Variants in ANKHD1 observed in about 807,000 individuals in gnomAD.
ANKHD1 encodes ankyrin repeat and KH domain-containing protein 1.
In ANKHD1, 31 loss-of-function variants were observed where a neutral mutation model predicts 230.5. The observed-to-expected ratio is 0.13, with a 90% CI of 0.10 to 0.18. ANKHD1 has a LOEUF of 0.18. Among genes scored for constraint, ANKHD1 ranks in the 10% least tolerant of loss-of-function variants. ANKHD1 has a pLI of 1.00. For synonymous variants in ANKHD1, 1,074 were observed against 1,117.6 expected (o/e 0.96, Z 0.78); for missense variants, 2,256 against 3,071.3 (o/e 0.73, Z 6.27).
At chr5:140,537,338 G>C (rs768136070) in intron 30 of ANKHD1, 51 bp from the exon 31 acceptor site, 6 of 1,568,392 alleles carry the variant, frequency 3.8e-6, no homozygotes, top group South Asian at 1.2e-5. Flanking sequence ...TTGCCACCAG[G>C]TGACTCTCCT....
Position 140,497,291 on chromosome 5 carries a change from A to C in ANKHD1, c.3004+13A>C, listed in dbSNP as rs1490778700. 6.3e-7 allele frequency: 1 copy of C among 1,583,400 alleles called. No homozygotes were observed. Among genetic ancestry groups the C allele is most frequent in the African/African-American group, 1.3e-5 (1 of 74,312 alleles). On this transcript the variant is annotated intron_variant, in intron 15 of 33. Transcript: ENST00000360839. Reference sequence around the variant, plus strand: ...GACCTGATAGCAGGTGGGTTAAGAAATATATCTGTAATAATTTCTCTTTAA... The same window carrying C: ...GACCTGATAGCAGGTGGGTTAAGAACTATATCTGTAATAATTTCTCTTTAA...
chr5:140,444,658 C>CA (rs148509743), intron 5 of ANKHD1, among the ~76,000 whole-genome samples: 159 of 152,194 alleles, frequency 1.0e-3, no homozygotes, highest in Middle Eastern at 6.8e-3. Flanking sequence ...AAAAAACAAA[C>CA]AAAAAATCCC....
intron 6 of ANKHD1, among the ~76,000 whole-genome samples, chr5:140,448,190 C>T (rs1055665819): frequency 3.9e-5 from 6 of 152,028 alleles, no homozygotes; most frequent in African/African-American, 1.4e-4. Context: ...ACAGAGACCT[C>T]GTCTCTTAAA....
Position 140,516,009 on chromosome 5 carries a change from G to A in ANKHD1, c.4317+2530G>A, listed in dbSNP as rs548670838. Among the ~76,000 whole-genome samples the A allele has an allele frequency of 2.4e-3, 359 of 152,120 alleles. 1 individual carries two copies. Among genetic ancestry groups the A allele is most frequent in the South Asian group, 0.02 (95 of 4,812 alleles). On this transcript the variant is annotated intron_variant, in intron 24 of 33. Coordinates refer to ENST00000360839, the MANE Select transcript of ANKHD1 (RefSeq NM_017747.3). ...GATCAAATTACTCTGAGCTACGGGA[G>A]GAAATTCAAACCAAAGGCAAAGAAG...
At chr5:140,420,321 T>A (rs1267932027) in intron 1 of ANKHD1, among the ~76,000 whole-genome samples, 1 of 152,056 alleles carries the variant, frequency 6.6e-6, no homozygotes, top group Non-Finnish European at 1.5e-5. Context: ...ACTTGAAGTT[T>A]AAAAATTTTG....
intron 1 of ANKHD1, among the ~76,000 whole-genome samples, chr5:140,410,348 A>G (rs780717320): frequency 9.9e-5 from 15 of 152,184 alleles, no homozygotes; most frequent in Non-Finnish European, 1.9e-4. Context: ...GATGGAGGTG[A>G]GTTTAAGCAC....
At position 140,458,841 on chromosome 5, in the gene ANKHD1, G is replaced by T; in HGVS notation, c.1459G>T (p.Val487Leu). The change falls in exon 8 of 34, where the codon GTG (valine) becomes TTG (leucine). Residue 487 changes from valine (V) to leucine (L), a missense_variant. This residue lies in a region of ANKHD1 where 179 missense variants were observed against 261.8 expected (regional missense o/e 0.68). Coordinates refer to ENST00000360839, the MANE Select transcript of ANKHD1 (RefSeq NM_017747.3). Reference sequence around the variant, plus strand: ...TGCCCGGGAAGGACATGAAGAAATGGTGGCACTACTCTTAGCACAAGGTAA... The same window carrying T: ...TGCCCGGGAAGGACATGAAGAAATGTTGGCACTACTCTTAGCACAAGGTAA... Reference protein sequence around the residue: ...EAAREGHEEMVALLLAQGANI... With the variant: ...EAAREGHEEMLALLLAQGANI... 2 of 1,611,996 alleles carry T rather than the reference G, an allele frequency of 1.2e-6. No homozygotes were observed. Among genetic ancestry groups the T allele is most frequent in the Non-Finnish European group, 1.7e-6 (2 of 1,179,254 alleles).
chr5:140,443,007 G>A (rs998708476), intron 5 of ANKHD1, among the ~76,000 whole-genome samples: 8 of 151,596 alleles, frequency 5.3e-5, no homozygotes, highest in Non-Finnish European at 2.9e-5. Flanking sequence ...CCAGGTTCAC[G>A]CCATTCTCCT....
In ANKHD1 at chr5:140,510,193, T is replaced by A. The variant is rs547759629; in HGVS notation, c.4104+12T>A. 36 of 1,589,022 alleles carry A rather than the reference T, an allele frequency of 2.3e-5. No homozygotes were observed. In the East Asian group the frequency reaches 7.7e-4, roughly 34 times the overall value. On this transcript the variant is annotated intron_variant, in intron 22 of 33. Transcript: ENST00000360839. ...CAGCATTTCGCAAGGTAATTTGATA[T>A]GGGGGAAGAAAGGTCAATTTTAAGC...
Position 140,445,910 on chromosome 5 carries a change from G to T in ANKHD1, c.1082G>T (p.Gly361Val). 1 of 1,612,912 alleles carries T rather than the reference G, an allele frequency of 6.2e-7. No homozygotes were observed. The highest frequency in any genetic ancestry group is 8.5e-7 in the Non-Finnish European group (1 of 1,179,266). The stretch of plus-strand genomic sequence containing the variant: ...GTTGCAAGAGTTCTTTTAGATCATG[G>T]TGCAGGCATCAACACTCATTCTAAT... ...VEVARVLLDH[G>V]AGINTHSNEF... Residue 361 changes from glycine to valine, a missense_variant, in exon 6 of 34, where the codon GGT becomes GTT. By Grantham distance (109) the Gly-to-Val change is moderately radical. This residue lies in a region of ANKHD1 where 206 missense variants were observed against 304.5 expected (regional missense o/e 0.68). Coordinates refer to ENST00000360839, the MANE Select transcript of ANKHD1 (RefSeq NM_017747.3).
At chr5:140,422,810 G>A (rs1465094464) in intron 1 of ANKHD1, among the ~76,000 whole-genome samples, 1 of 120,598 alleles carries the variant, frequency 8.3e-6, no homozygotes, top group African/African-American at 2.7e-5. Context: ...ACTCTGTCTT[G>A]GGGGGGAAAA....
intron 1 of ANKHD1, among the ~76,000 whole-genome samples, chr5:140,415,975 C>CGT (rs1771347525): frequency 6.6e-6 from 1 of 151,932 alleles, no homozygotes; most frequent in African/African-American, 2.4e-5. Context: ...GTGTGATGTT[C>CGT]CCCACCCTGT....
At position 140,445,658 on chromosome 5, in the gene ANKHD1, T is replaced by C. The variant is rs1402342033; in HGVS notation, c.914-84T>C. The C allele has an allele frequency of 1.5e-5, 18 of 1,216,170 alleles. No individual in the cohort carries two copies. The East Asian group carries it at 5.2e-4, about 35-fold the overall frequency. 75.3% of individuals were successfully genotyped at this position (1,216,170 alleles called of 1,614,324 possible). ...TTGTATCTGTTCTGTCATGATTGTA[T>C]ATTTCTTTTTAAATCTTTTATTTAT... On this transcript the variant is annotated intron_variant, in intron 5 of 33. Coordinates refer to ENST00000360839, the MANE Select transcript of ANKHD1 (RefSeq NM_017747.3).
intron 30 of ANKHD1, 108 bp from the exon 31 acceptor site, chr5:140,537,281 C>T: frequency 6.8e-7 from 1 of 1,469,746 alleles, no homozygotes; most frequent in Non-Finnish European, 9.0e-7. Context: ...CAAGGTTTCT[C>T]ATATTCTTAT....
intron 22 of ANKHD1, among the ~76,000 whole-genome samples, 189 bp downstream of exon 22, chr5:140,510,370 T>C (rs1752710585): frequency 1.4e-5 from 2 of 140,002 alleles, no homozygotes; most frequent in African/African-American, 5.3e-5. Flanking sequence ...TAGAATGCAG[T>C]GGCATGATCG....
At chr5:140,531,766 A>G (rs1753834035) in intron 29 of ANKHD1, among the ~76,000 whole-genome samples, 1 of 152,180 alleles carries the variant, frequency 6.6e-6, no homozygotes, top group Admixed American at 6.5e-5. Context: ...GGGAAGATAT[A>G]TGTCTATAGA....
At chr5:140,534,523 G>A (rs1753987451) in intron 29 of ANKHD1, among the ~76,000 whole-genome samples, 1 of 152,178 alleles carries the variant, frequency 6.6e-6, no homozygotes, top group Admixed American at 6.5e-5. Flanking sequence ...ACAATCCTGT[G>A]AGTATACTAA....
At chr5:140,419,808 TTC>T (rs1169656412) in intron 1 of ANKHD1, among the ~76,000 whole-genome samples, 2 of 95,588 alleles carry the variant, frequency 2.1e-5, no homozygotes, top group African/African-American at 6.3e-5. Flanking sequence ...CTTTCTTTCT[TTC>T]TTTCTTTCTT....
At chr5:140,495,085 G>A (rs577774107) in intron 14 of ANKHD1, among the ~76,000 whole-genome samples, 2 of 152,130 alleles carry the variant, frequency 1.3e-5, no homozygotes, top group Admixed American at 6.6e-5. Context: ...TACTGTCCCT[G>A]TCTCTATAGA....
Sources: allele counts gnomAD v4.1 joint callset (sites outside exome capture counted in the v4.1 genomes callset), GRCh38; gene constraint gnomAD v4.1.1; regional missense constraint gnomAD v4.1.1; transcripts MANE v1.5; gene names NCBI Gene and HGNC (gene_info 2026-07-23, HGNC 2026-07-21).